Variants in OPCML observed in about 807,000 individuals in gnomAD.
OPCML encodes opioid-binding protein/cell adhesion molecule.
A neutral mutation model predicts 37.8 loss-of-function variants in OPCML; 13 were observed. The ratio of observed to expected loss-of-function variants is 0.34; its 90% CI spans 0.22 to 0.55. The LOEUF (loss-of-function observed/expected upper bound fraction) is 0.55, where lower values mean the gene tolerates loss of function less well. Ranked by LOEUF, OPCML falls within the 20% of genes least tolerant of loss-of-function variation. The probability of loss-of-function intolerance (pLI) is 0.91; values close to 1 mark genes in which losing one functional copy is unlikely to be tolerated. For missense variants in OPCML, 341 were observed against 435.6 expected (o/e 0.78, Z 1.93); for synonymous variants, 176 against 168.8 (o/e 1.04, Z -0.33).
chr11:132,862,674 G>A (rs1477110767), intron 2 of OPCML, among the ~76,000 whole-genome samples: 2 of 152,126 alleles, frequency 1.3e-5, no homozygotes, highest in African/African-American at 4.8e-5. Context: ...TTTCGGACGT[G>A]GCACTACTGT....
At chr11:133,243,528 G>C (rs1565525810) in intron 1 of OPCML, among the ~76,000 whole-genome samples, 1 of 152,194 alleles carries the variant, frequency 6.6e-6, no homozygotes, top group Non-Finnish European at 1.5e-5. Flanking sequence ...GCGCTGCAGA[G>C]GGGACCAGGC....
intron 2 of OPCML, among the ~76,000 whole-genome samples, chr11:132,719,730 C>T (rs1208286449): frequency 6.6e-6 from 1 of 152,142 alleles, no homozygotes; most frequent in African/African-American, 2.4e-5. Flanking sequence ...AAATAAAAAG[C>T]TAGAGAAATG....
chr11:132,895,503 C>T (rs940879678), intron 2 of OPCML, among the ~76,000 whole-genome samples: 1 of 152,186 alleles, frequency 6.6e-6, no homozygotes, highest in African/African-American at 2.4e-5. Flanking sequence ...GACTGAATCA[C>T]AGCAAAAGCT....
At chr11:132,925,828 G>C (rs1944971694) in intron 2 of OPCML, among the ~76,000 whole-genome samples, 2 of 152,142 alleles carry the variant, frequency 1.3e-5, no homozygotes, top group Admixed American at 6.5e-5. Context: ...TGAGGATGGA[G>C]AGCCAGCCCC....
intron 3 of OPCML, among the ~76,000 whole-genome samples, chr11:132,597,437 C>T (rs2096494135): frequency 6.6e-6 from 1 of 152,148 alleles, no homozygotes; most frequent in African/African-American, 2.4e-5. Flanking sequence ...TTCTGACGAT[C>T]TTACTGGCCT....
chr11:133,362,256 G>A (rs1175462506), intron 1 of OPCML: 1 of 152,444 alleles, frequency 6.6e-6, no homozygotes, highest in Non-Finnish European at 1.5e-5. Context: ...AAACATGCTG[G>A]ACTCAGGAAG....
chr11:133,123,277 C>G (rs1487510287), intron 1 of OPCML, among the ~76,000 whole-genome samples: 1 of 152,124 alleles, frequency 6.6e-6, no homozygotes, highest in Non-Finnish European at 1.5e-5. Flanking sequence ...CCTTGTATTT[C>G]TCAGACTTTA....
chr11:132,809,890 G>A (rs369293394), intron 2 of OPCML, among the ~76,000 whole-genome samples: 3 of 151,856 alleles, frequency 2.0e-5, no homozygotes, highest in Middle Eastern at 3.4e-3. Context: ...TTGCTCTGTC[G>A]CCAGGCTGGA....
chr11:132,438,842 A>G (rs1204015489), intron 4 of OPCML, among the ~76,000 whole-genome samples: 1 of 151,984 alleles, frequency 6.6e-6, no homozygotes, highest in Non-Finnish European at 1.5e-5. Flanking sequence ...CTCTGCTCCA[A>G]GTCTAAGCCT....
At chr11:133,524,975 C>G (rs1442274617) in intron 1 of OPCML, among the ~76,000 whole-genome samples, 1 of 152,156 alleles carries the variant, frequency 6.6e-6, no homozygotes, top group Non-Finnish European at 1.5e-5. Flanking sequence ...TTCATTTGTT[C>G]AACAAATACT....
At chr11:133,041,284 C>A (rs760881953) in intron 1 of OPCML, among the ~76,000 whole-genome samples, 6 of 152,164 alleles carry the variant, frequency 3.9e-5, no homozygotes, top group Non-Finnish European at 7.3e-5. Flanking sequence ...ACAGCTTTGG[C>A]CCACAGTAAG....
intron 1 of OPCML, among the ~76,000 whole-genome samples, chr11:133,425,740 A>G (rs1385752132): frequency 6.6e-6 from 1 of 152,116 alleles, no homozygotes; most frequent in Admixed American, 6.5e-5. Context: ...CCCTTTCTTA[A>G]AGTGCTTATT....
intron 1 of OPCML, chr11:133,300,601 T>C (rs1592180765): frequency 6.6e-6 from 1 of 152,336 alleles, no homozygotes; most frequent in East Asian, 1.9e-4. Context: ...GGGAATCGTG[T>C]GGTGAGCGGA....
At chr11:133,401,126 C>G (rs551633820) in intron 1 of OPCML, among the ~76,000 whole-genome samples, 1 of 152,194 alleles carries the variant, frequency 6.6e-6, no homozygotes, top group African/African-American at 2.4e-5. Flanking sequence ...AAGTTGGAGT[C>G]CAACTTATTT....
At chr11:132,700,738 G>A (rs1943774769) in intron 2 of OPCML, among the ~76,000 whole-genome samples, 1 of 152,100 alleles carries the variant, frequency 6.6e-6, no homozygotes, top group Non-Finnish European at 1.5e-5. Context: ...ATGTGTGCTT[G>A]GAAACAGTGT....
intron 2 of OPCML, among the ~76,000 whole-genome samples, chr11:132,759,280 G>C (rs948805945): frequency 6.6e-5 from 10 of 152,108 alleles, no homozygotes; most frequent in Non-Finnish European, 1.5e-4. Flanking sequence ...TTGCGTCTCT[G>C]CCAGGTTTTG....
intron 1 of OPCML, among the ~76,000 whole-genome samples, chr11:132,959,096 T>C (rs11608128): frequency 0.088 from 13,412 of 152,216 alleles, 711 homozygotes; most frequent in African/African-American, 0.16. Context: ...CTAAATGCCA[T>C]TAAGAACACT....
At chr11:133,386,841 G>C (rs1050477820) in intron 1 of OPCML, among the ~76,000 whole-genome samples, 1 of 152,166 alleles carries the variant, frequency 6.6e-6, no homozygotes, top group Non-Finnish European at 1.5e-5. Flanking sequence ...AGCCCCACAC[G>C]GCAGCAGGGA....
At chr11:132,858,906 A>C (rs999618443) in intron 2 of OPCML, among the ~76,000 whole-genome samples, 4 of 152,184 alleles carry the variant, frequency 2.6e-5, no homozygotes, top group Non-Finnish European at 5.9e-5. Context: ...TCTAAGTAGC[A>C]TTGTTTATAC....
Sources: allele counts gnomAD v4.1 joint callset (sites outside exome capture counted in the v4.1 genomes callset), GRCh38; gene constraint gnomAD v4.1.1; transcripts MANE v1.5; gene names NCBI Gene and HGNC (gene_info 2026-07-23, HGNC 2026-07-21).